Variants in MDM2 observed in about 807,000 individuals in gnomAD.
MDM2 encodes the protein E3 ubiquitin-protein ligase Mdm2.
In MDM2, 11 loss-of-function variants were observed where a neutral mutation model predicts 64.3. That is an observed-to-expected ratio of 0.17 (90% confidence interval 0.11 to 0.28). The LOEUF (loss-of-function observed/expected upper bound fraction) is 0.28, where lower values mean the gene tolerates loss of function less well. Among genes scored for constraint, MDM2 ranks in the 10% least tolerant of loss-of-function variants. MDM2 has a pLI of 1.00. For missense variants in MDM2, 388 were observed against 577.1 expected, an observed-to-expected ratio of 0.67 and a Z score of 3.36; for synonymous variants, 194 against 192.9, an observed-to-expected ratio of 1.01 and a Z score of -0.05.
At chr12:68,850,280 C>T (rs991896803), downstream of MDM2, 2 of 132,542 alleles carry the variant, frequency 1.5e-5, no homozygotes, top group Non-Finnish European at 3.4e-5. Flanking sequence ...AGCGAGACTT[C>T]GTCCCAAAAA....
At chr12:68,815,972 A>G (rs896261847) in intron 3 of MDM2, among the ~76,000 whole-genome samples, 2 of 152,158 alleles carry the variant, frequency 1.3e-5, no homozygotes, top group African/African-American at 4.8e-5. Flanking sequence ...TTGATTATTT[A>G]TCATAATATG....
chr12:68,811,894 C>T (rs1439044453), intron 2 of MDM2, among the ~76,000 whole-genome samples: 1 of 152,104 alleles, frequency 6.6e-6, no homozygotes, highest in African/African-American at 2.4e-5. Context: ...GCCACTGCGC[C>T]TGGCCCACAC....
At chr12:68,830,448 C>A (rs1421419790) in intron 8 of MDM2, among the ~76,000 whole-genome samples, 1 of 152,172 alleles carries the variant, frequency 6.6e-6, no homozygotes, top group Non-Finnish European at 1.5e-5. Flanking sequence ...AGAGCAGGTT[C>A]TTCATTTGTA....
At chr12:68,825,286 T>C (rs997726933) in intron 7 of MDM2, among the ~76,000 whole-genome samples, 2 of 152,238 alleles carry the variant, frequency 1.3e-5, no homozygotes, top group Non-Finnish European at 2.9e-5. Flanking sequence ...GTTAAATTTT[T>C]AAATTGTTAT....
In MDM2 at chr12:68,829,266, AT is replaced by A. The variant is rs1882602816; in HGVS notation, c.684+338del. 3.3e-5 allele frequency among the ~76,000 whole-genome samples: 5 copies of A among 152,326 alleles called. No homozygotes were observed. In the South Asian group the frequency reaches 1.0e-3, roughly 32 times the overall value. Reference sequence around the variant, plus strand: ...AATTGGAGTATAGAGTTGTTTGAGAATTTGAGAGTTACACTTTTTAAAAAAG... The same window carrying A: ...AATTGGAGTATAGAGTTGTTTGAGAATTGAGAGTTACACTTTTTAAAAAAG... On this transcript the variant is annotated intron_variant, in intron 8 of 10. Coordinates refer to ENST00000258149, the MANE Select transcript of MDM2 (RefSeq NM_002392.6).
rs1371574343 is a variant in MDM2, at chr12:68,833,265, TTATA to T, written c.685-2560_685-2557del. On this transcript the variant is annotated intron_variant, in intron 8 of 10. Coordinates refer to ENST00000258149, the MANE Select transcript of MDM2 (RefSeq NM_002392.6). Reference sequence around the variant, plus strand: ...TACATTGTTATATATATTTATATAATTATATATTTATATAAATATAAATATATAT... The same window carrying T: ...TACATTGTTATATATATTTATATAATTATTTATATAAATATAAATATATAT... 7.6e-5 allele frequency among the ~76,000 whole-genome samples: 4 copies of T among 52,502 alleles called. 1 individual carries two copies. The highest frequency in any genetic ancestry group is 1.9e-4 in the Non-Finnish European group (4 of 21,270). The allele number at this position is 52,502 out of a possible 152,430, so 34.4% of individuals were successfully genotyped here.
intron 8 of MDM2, among the ~76,000 whole-genome samples, chr12:68,831,623 A>C (rs1298342168): frequency 6.6e-6 from 1 of 152,152 alleles, no homozygotes; most frequent in African/African-American, 2.4e-5. Flanking sequence ...CTAGACAAGA[A>C]ATTTTTCTGG....
At chr12:68,812,442 G>A (rs904956994) in intron 2 of MDM2, among the ~76,000 whole-genome samples, 2 of 152,160 alleles carry the variant, frequency 1.3e-5, no homozygotes, top group Non-Finnish European at 2.9e-5. Context: ...AAAGATACTT[G>A]AGTTTTGCAG....
rs373214952 is a variant in MDM2 at position 68,839,315 on chromosome 12, C to G, written c.960C>G (p.Pro320=). The G allele has an allele frequency of 5.6e-5, 90 of 1,613,730 alleles. No individual in the cohort carries two copies. In the Middle Eastern group the frequency reaches 8.2e-4, roughly 15 times the overall value. Residue 320 remains proline, a synonymous_variant, in exon 11 of 11, where the codon CCC becomes CCG. Coordinates refer to ENST00000258149, the MANE Select transcript of MDM2 (RefSeq NM_002392.6). ...CTTCATGCAATGAAATGAATCCCCC[C>G]CTTCCATCACATTGCAACAGATGTT... ...KCTSCNEMNP[P]LPSHCNRCWA...
rs1040034861 is a variant in MDM2 at position 68,844,683 on chromosome 12, C to G, written c.*4834C>G. 4.5e-6 allele frequency: 1 copy of G among 223,242 alleles called. No individual in the cohort carries two copies. Among genetic ancestry groups the G allele is most frequent in the Non-Finnish European group, 8.9e-6 (1 of 111,772 alleles). The allele number at this position is 223,242 out of a possible 1,614,324, so 13.8% of individuals were successfully genotyped here. ...AAAAAAACTGGCTTTAAAGCAGGAG[C>G]TTGTGGGCCCCTAAGCCAGACGGGG... On this transcript the variant is annotated 3_prime_UTR_variant, in exon 11 of 11. Transcript: ENST00000258149.
At position 68,844,328 on chromosome 12, in the gene MDM2, C is replaced by G. The variant is rs1465380914; in HGVS notation, c.*4479C>G. The G allele has an allele frequency of 1.3e-5, 3 of 223,018 alleles. No individual in the cohort carries two copies. The highest frequency in any genetic ancestry group is 6.7e-5 in the African/African-American group (3 of 44,786). 13.8% of individuals were successfully genotyped at this position (223,018 alleles called of 1,614,324 possible). A position where few individuals can be genotyped will look rare whatever the true frequency, so the allele number is the denominator to read the frequency against. ...GCCATGCCTGCCCACTTTAGAAATA[C>G]AAATATCACTGGGCAGCTTGAAGCA... On this transcript the variant is annotated 3_prime_UTR_variant, in exon 11 of 11. Coordinates refer to ENST00000258149, the MANE Select transcript of MDM2 (RefSeq NM_002392.6).
chr12:68,836,762 C>T lies in MDM2; in HGVS notation c.918+13C>T. 10 of 1,562,798 alleles carry T rather than the reference C, an allele frequency of 6.4e-6. No individual in the cohort carries two copies. Among genetic ancestry groups the T allele is most frequent in the Non-Finnish European group, 8.8e-6 (10 of 1,136,596 alleles). On this transcript the variant is annotated intron_variant, in intron 10 of 10. Transcript: ENST00000258149. ...AATTTCCTTAGCTGTAAGTATACAT[C>T]TACTTTTTTAAGAAATAAAAATTTC...
At chr12:68,826,079 C>T (rs1252730539) in intron 7 of MDM2, among the ~76,000 whole-genome samples, 5 of 152,026 alleles carry the variant, frequency 3.3e-5, no homozygotes, top group Non-Finnish European at 5.9e-5. Flanking sequence ...ATTAAAACTT[C>T]AAATAGCAAA....
intron 2 of MDM2, among the ~76,000 whole-genome samples, chr12:68,812,216 C>G (rs1254643845): frequency 2.0e-5 from 3 of 150,804 alleles, no homozygotes; most frequent in Non-Finnish European, 4.4e-5. Context: ...AAAAAGTGAT[C>G]AGAAAAATTA....
chr12:68,839,441 C>T lies in MDM2; in HGVS notation c.1086C>T (p.Gly362=), dbSNP rs2136177845. The T allele has an allele frequency of 6.2e-7, 1 of 1,613,752 alleles. No homozygotes were observed. Among genetic ancestry groups the T allele is most frequent in the Non-Finnish European group, 8.5e-7 (1 of 1,179,976 alleles). ...KLENSTQAEE[G]FDVPDCKKTI... ...AAAACTCAACACAAGCTGAAGAGGG[C>T]TTTGATGTTCCTGATTGTAAAAAAA... Residue 362 remains glycine (G), a synonymous_variant, in exon 11 of 11, where the codon GGC becomes GGT. Coordinates refer to ENST00000258149, the MANE Select transcript of MDM2 (RefSeq NM_002392.6).
At position 68,824,299 on chromosome 12, in the gene MDM2, C is replaced by T. The variant is rs1882113793; in HGVS notation, c.359-64C>T. ...TTGTGTTAGACTGATAGCATATCTA[C>T]TGAGTAGCGCCCCGCCGCCCCCCGC... On this transcript the variant is annotated intron_variant, in intron 5 of 10. Transcript: ENST00000258149. 7 of 1,119,490 alleles carry T rather than the reference C, an allele frequency of 6.3e-6. No homozygotes were observed. The South Asian group carries it at 7.9e-5, about 13-fold the overall frequency. The allele number at this position is 1,119,490 out of a possible 1,614,324, so 69.3% of individuals were successfully genotyped here.
intron 8 of MDM2, among the ~76,000 whole-genome samples, chr12:68,830,757 G>C (rs1377001188): frequency 6.6e-6 from 1 of 152,110 alleles, no homozygotes; most frequent in Non-Finnish European, 1.5e-5. Flanking sequence ...CTGGAGTGCA[G>C]TGGTGCAATC....
chr12:68,822,591 A>C (rs1309054924), intron 5 of MDM2, among the ~76,000 whole-genome samples: 1 of 152,126 alleles, frequency 6.6e-6, no homozygotes, highest in South Asian at 2.1e-4. Flanking sequence ...TGATGTATTC[A>C]TTCCTTCATT....
chr12:68,849,963 T>A (rs1161370631), downstream of MDM2: 1 of 152,080 alleles, frequency 6.6e-6, no homozygotes, highest in East Asian at 1.9e-4. Flanking sequence ...GAAATAATAG[T>A]TCTATTCTCA....
Sources: gnomAD v4.1 joint callset for allele counts (sites outside exome capture counted in the v4.1 genomes callset) on GRCh38, gnomAD v4.1.1 for gene constraint, MANE v1.5 for transcripts, NCBI Gene and HGNC (gene_info 2026-07-23, HGNC 2026-07-21) for gene names.